Variants in ZC4H2 observed in about 807,000 individuals in gnomAD.
The protein encoded by ZC4H2 is zinc finger C4H2 domain-containing protein.
For missense variants in ZC4H2, 137 were observed against 173.9 expected (o/e 0.79, Z 1.19); for synonymous variants, 84 against 66.3 (o/e 1.27, Z -1.30).
rs747427143 is a variant in ZC4H2, at chrX:64,958,013, T to G, written c.53+18312A>C. 2.1e-3 allele frequency among the ~76,000 whole-genome samples: 232 copies of G among 112,152 alleles called. 1 individual carries two copies. The highest frequency in any genetic ancestry group is 7.1e-3 in the African/African-American group (220 of 30,917). Reference sequence around the variant, plus strand: ...CAAGGAATATGAAAACAATGCCTTCTTCTGGAATACCTCCTGGAAGTCCAG... The same window carrying G: ...CAAGGAATATGAAAACAATGCCTTCGTCTGGAATACCTCCTGGAAGTCCAG... On this transcript the variant is annotated intron_variant, in intron 1 of 4. Coordinates refer to ENST00000374839, the MANE Select transcript of ZC4H2 (RefSeq NM_018684.4).
chrX:64,949,101 A>G (rs1015699932), intron 1 of ZC4H2, among the ~76,000 whole-genome samples: 13 of 111,979 alleles, frequency 1.2e-4, no homozygotes, highest in Non-Finnish European at 2.3e-4. Context: ...TTATGGTCCA[A>G]ATGATTAAGA....
At chrX:65,033,086 T>C (rs1932956922) in intron 1 of ZC4H2, among the ~76,000 whole-genome samples, 1 of 112,009 alleles carries the variant, frequency 8.9e-6, no homozygotes, top group African/African-American at 3.2e-5. Context: ...CCTCCACTAA[T>C]GTTTCACTGG....
intron 1 of ZC4H2, among the ~76,000 whole-genome samples, chrX:64,935,000 G>A (rs375158399): frequency 1.8e-5 from 2 of 110,367 alleles, no homozygotes; most frequent in African/African-American, 3.3e-5. Context: ...CCTGGAAAGC[G>A]GCTGAAGCCA....
intron 1 of ZC4H2, among the ~76,000 whole-genome samples, chrX:64,963,452 T>A (rs1467090290): frequency 9.0e-6 from 1 of 111,685 alleles, no homozygotes; most frequent in Admixed American, 9.5e-5. Flanking sequence ...CAAATTAAAA[T>A]GTTTCTGCAC....
rs747479800 is a variant in ZC4H2, at chrX:65,002,218, G to A, written c.-272+32411C>T. ...GGAAGTAAAACACTCCTGAGCAAAT[G>A]CAAAAGAATGGAAATCATAACAAAC... On this transcript the variant is annotated intron_variant, in intron 1 of 4. Coordinates refer to the ZC4H2 transcript ENST00000337990. Among the ~76,000 whole-genome samples the A allele has an allele frequency of 1.4e-3, 160 of 112,262 alleles. 1 individual carries two copies. Among genetic ancestry groups the A allele is most frequent in the African/African-American group, 5.1e-3 (157 of 30,949 alleles).
chrX:64,954,651 T>C (rs1931081686), intron 1 of ZC4H2, among the ~76,000 whole-genome samples: 1 of 107,127 alleles, frequency 9.3e-6, no homozygotes, highest in Admixed American at 1.0e-4. Flanking sequence ...CATGAAAGGA[T>C]TGAAAGGTCC....
At position 64,947,257 on chromosome X, in the gene ZC4H2, G is replaced by T. The variant is rs1215562156; in HGVS notation, c.54-25269C>A. On this transcript the variant is annotated intron_variant, in intron 1 of 4. Transcript: ENST00000374839. ...GGGATTATTTTATATCCCAGGAAAT[G>T]GTCTATCTATTTTGGTATATGTTCC... Among the ~76,000 whole-genome samples the T allele has an allele frequency of 2.7e-5, 3 of 111,808 alleles. 1 individual carries two copies. The Admixed American group carries it at 2.9e-4, about 11-fold the overall frequency.
intron 1 of ZC4H2, among the ~76,000 whole-genome samples, chrX:65,004,557 G>C (rs1318860600): frequency 1.8e-5 from 2 of 111,768 alleles, no homozygotes; most frequent in Non-Finnish European, 3.8e-5. Flanking sequence ...ACTCCCAATA[G>C]TGTAGGTATT....
chrX:64,960,949 T>C (rs1363442440), intron 1 of ZC4H2, among the ~76,000 whole-genome samples: 1 of 111,649 alleles, frequency 9.0e-6, no homozygotes, highest in Non-Finnish European at 1.9e-5. Flanking sequence ...TAATGTTTTA[T>C]ATGTCTGTAA....
chrX:64,924,575 G>A (rs1276474676), intron 1 of ZC4H2, among the ~76,000 whole-genome samples: 1 of 111,594 alleles, frequency 9.0e-6, no homozygotes, highest in African/African-American at 3.3e-5. Flanking sequence ...AACATAGTCT[G>A]AGGGACACTA....
chrX:64,960,755 T>C (rs1205505804), intron 1 of ZC4H2, among the ~76,000 whole-genome samples: 1 of 111,953 alleles, frequency 8.9e-6, no homozygotes, highest in Non-Finnish European at 1.9e-5. Flanking sequence ...ACCCTTAAGA[T>C]GGGTATTTGT....
rs745687812 is a variant in ZC4H2, at chrX:65,017,030, G to A, written c.-272+17599C>T. Among the ~76,000 whole-genome samples the A allele has an allele frequency of 1.9e-4, 21 of 111,698 alleles. No individual in the cohort carries two copies. The South Asian group carries it at 1.9e-3, about 10-fold the overall frequency. ...ATCTGTTGGTTTGATGTTCCCTTCC[G>A]TTTAGAAAGAGGGAAGAAAATAGTA... On this transcript the variant is annotated intron_variant, in intron 1 of 4. Transcript: ENST00000337990.
intron 1 of ZC4H2, among the ~76,000 whole-genome samples, chrX:64,989,635 C>G (rs968265413): frequency 4.5e-5 from 5 of 111,940 alleles, no homozygotes; most frequent in Admixed American, 9.5e-5. Context: ...ACTACATATT[C>G]AACAAAAGAC....
At chrX:64,939,520 C>T (rs377635944) in intron 1 of ZC4H2, among the ~76,000 whole-genome samples, 5 of 111,980 alleles carry the variant, frequency 4.5e-5, no homozygotes, top group Non-Finnish European at 7.5e-5. Context: ...GGAGGTGTTA[C>T]GATACCTGAC....
intron 1 of ZC4H2, among the ~76,000 whole-genome samples, chrX:64,982,036 C>T (rs1248095671): frequency 9.0e-6 from 1 of 111,678 alleles, no homozygotes; most frequent in African/African-American, 3.3e-5. Context: ...GAACAAAGAT[C>T]TGGCAGTGGA....
chrX:64,957,396 G>C (rs1931197124), intron 1 of ZC4H2, among the ~76,000 whole-genome samples: 1 of 112,015 alleles, frequency 8.9e-6, no homozygotes, highest in African/African-American at 3.2e-5. Context: ...ATTTAATTTG[G>C]CTGAAGCTTT....
At chrX:64,940,471 T>G (rs766393123) in intron 1 of ZC4H2, among the ~76,000 whole-genome samples, 25 of 111,973 alleles carry the variant, frequency 2.2e-4, no homozygotes, top group Non-Finnish European at 4.5e-4. Flanking sequence ...AGTCATGAAG[T>G]CTTTGCCCAT....
At chrX:64,954,446 AGTGCTTGC>A (rs1931071573) in intron 1 of ZC4H2, among the ~76,000 whole-genome samples, 1 of 92,169 alleles carries the variant, frequency 1.1e-5, no homozygotes, top group African/African-American at 4.6e-5. Context: ...AATATGTTTG[AGTGCTTGC>A]TATTAATCAT....
chrX:64,973,978 G>T (rs771157461), intron 1 of ZC4H2, among the ~76,000 whole-genome samples: 60 of 111,175 alleles, frequency 5.4e-4, no homozygotes, highest in African/African-American at 1.8e-3. Flanking sequence ...GTTGGTGTTT[G>T]CTCCTCTTCT....
Sources: gnomAD v4.1 joint callset for allele counts (sites outside exome capture counted in the v4.1 genomes callset) on GRCh38, gnomAD v4.1.1 for gene constraint, MANE v1.5 for transcripts, NCBI Gene and HGNC (gene_info 2026-07-23, HGNC 2026-07-21) for gene names.